SLC38A11: variants seen among roughly 807,000 people sequenced by gnomAD.
SLC38A11 encodes putative sodium-coupled neutral amino acid transporter 11.
SLC38A11 carries 51 observed loss-of-function variants against 49.4 expected under a neutral mutation model. The ratio of observed to expected loss-of-function variants is 1.03; its 90% CI spans 0.83 to 1.30. SLC38A11 has a LOEUF of 1.30. Ranked by LOEUF, SLC38A11 falls within the 50% of genes most tolerant of loss-of-function variation. SLC38A11 has a pLI of 0.00. For missense variants in SLC38A11, 574 were observed against 556.2 expected, an observed-to-expected ratio of 1.03 and a Z score of -0.32; for synonymous variants, 203 against 192.9, an observed-to-expected ratio of 1.05 and a Z score of -0.43.
At chr2:164,954,806 A>T (rs1348552594) in intron 1 of SLC38A11, 61 bp from the exon 2 acceptor site, 2 of 779,396 alleles carry the variant, frequency 2.6e-6, no homozygotes, top group Non-Finnish European at 4.1e-6. Flanking sequence ...AAAGTAACAA[A>T]TATGTAATGC....
intron 7 of SLC38A11, among the ~76,000 whole-genome samples, chr2:164,930,412 T>C (rs1250266333): frequency 2.0e-5 from 3 of 151,792 alleles, no homozygotes; most frequent in African/African-American, 7.3e-5. Flanking sequence ...GAGGCCAACA[T>C]CATCCTGATA....
Position 164,898,498 on chromosome 2 carries a change from G to A in SLC38A11, c.1328C>T (p.Ser443Leu). 1 of 1,613,424 alleles carries A rather than the reference G, an allele frequency of 6.2e-7. No homozygotes were observed. Among genetic ancestry groups the A allele is most frequent in the Non-Finnish European group, 8.5e-7 (1 of 1,179,568 alleles). ...TGTTGTCTGCTGAACATGAGACTCT[G>A]AGGTATTTGTGAGAGAGAAATTGTC... ...FPDNFSLTNTSESHVQQTTQL... is the reference protein window; with the variant it reads ...FPDNFSLTNTLESHVQQTTQL... Residue 443 changes from serine to leucine, a missense_variant, in exon 12 of 12, where the codon TCA becomes TTA. Coordinates refer to ENST00000685975, the MANE Select transcript of SLC38A11 (RefSeq NM_001351537.2).
At chr2:164,951,666 GA>G (rs2105521204) in intron 3 of SLC38A11, among the ~76,000 whole-genome samples, 1 of 152,298 alleles carries the variant, frequency 6.6e-6, no homozygotes, top group South Asian at 2.1e-4. Context: ...TTTTACGAGG[GA>G]TGGCATCTTG....
chr2:164,947,349 C>T (rs1309358932), intron 3 of SLC38A11, among the ~76,000 whole-genome samples: 1 of 151,902 alleles, frequency 6.6e-6, no homozygotes, highest in Non-Finnish European at 1.5e-5. Context: ...CCAAGATGGT[C>T]TCGAACTCCT....
At chr2:164,915,701 T>A in intron 8 of SLC38A11, 1 of 517,482 alleles carries the variant, frequency 1.9e-6, no homozygotes, top group Non-Finnish European at 3.5e-6. Flanking sequence ...GAAATAGATT[T>A]CTCCAAATTG....
At chr2:164,920,548 G>T (rs867875644) in intron 7 of SLC38A11, among the ~76,000 whole-genome samples, 1,005 of 34,628 alleles carry the variant, frequency 0.029, 14 homozygotes, top group African/African-American at 0.053. Context: ...AGATATCCGA[G>T]GAGAAGACAC....
At chr2:164,943,760 C>T (rs1184756548) in intron 5 of SLC38A11, among the ~76,000 whole-genome samples, 2 of 152,270 alleles carry the variant, frequency 1.3e-5, no homozygotes, top group African/African-American at 2.4e-5. Flanking sequence ...GGACTACAGG[C>T]ACATGCTACT....
intron 7 of SLC38A11, among the ~76,000 whole-genome samples, chr2:164,920,372 A>T (rs576980776): frequency 6.6e-6 from 1 of 151,970 alleles, no homozygotes; most frequent in East Asian, 1.9e-4. Context: ...TTTAACTTAA[A>T]CCCCCATGCA....
intron 7 of SLC38A11, among the ~76,000 whole-genome samples, chr2:164,932,571 T>C (rs1303428810): frequency 2.0e-5 from 3 of 152,084 alleles, no homozygotes; most frequent in Admixed American, 6.6e-5. Context: ...AAAAAGATCA[T>C]GTCCTCTGCA....
At position 164,908,708 on chromosome 2, in the gene SLC38A11, T is replaced by C. The variant is rs766323831; in HGVS notation, c.1027A>G (p.Met343Val). 5.6e-6 allele frequency: 9 copies of C among 1,611,702 alleles called. No homozygotes were observed. In the African/African-American group the frequency reaches 9.4e-5, roughly 17 times the overall value. Residue 343 changes from methionine (M) to valine (V), a missense_variant, in exon 11 of 12, where the codon ATG (methionine) becomes GTG (valine). By Grantham distance (21) the Met-to-Val change is conservative. Coordinates refer to ENST00000685975, the MANE Select transcript of SLC38A11 (RefSeq NM_001351537.2). ...ACAAGCGTGGCTACAGTGATGACCA[T>C]CACTGTTACAACAATGTGGAAAACC... ...SSVFHIVVTV[M>V]VITVATLVSL... is the part of the protein sequence containing the mutation.
At chr2:164,922,588 C>T (rs986776111) in intron 7 of SLC38A11, among the ~76,000 whole-genome samples, 26 of 152,096 alleles carry the variant, frequency 1.7e-4, no homozygotes, top group African/African-American at 6.3e-4. Flanking sequence ...AAACGCACAC[C>T]CACACAAATG....
intron 11 of SLC38A11, among the ~76,000 whole-genome samples, chr2:164,907,422 T>G (rs1399856016): frequency 6.6e-6 from 1 of 151,406 alleles, no homozygotes; most frequent in Non-Finnish European, 1.5e-5. Flanking sequence ...TACAGGCACA[T>G]GCCACCAAAC....
At chr2:164,910,144 G>T (rs1685299048) in intron 10 of SLC38A11, among the ~76,000 whole-genome samples, 1 of 152,072 alleles carries the variant, frequency 6.6e-6, no homozygotes, top group Admixed American at 6.6e-5. Flanking sequence ...TAAGAGAAGG[G>T]AAAGTTATAG....
chr2:164,950,960 G>A (rs753356372), intron 3 of SLC38A11, among the ~76,000 whole-genome samples: 4 of 151,884 alleles, frequency 2.6e-5, no homozygotes, highest in Non-Finnish European at 5.9e-5. Context: ...TCACTTTTAT[G>A]TGGTCATCCT....
intron 5 of SLC38A11, among the ~76,000 whole-genome samples, chr2:164,941,208 T>G (rs1038656167): frequency 1.3e-5 from 2 of 152,112 alleles, no homozygotes; most frequent in South Asian, 4.1e-4. Context: ...AGGTGAAAAT[T>G]GAAATTTTTG....
intron 7 of SLC38A11, among the ~76,000 whole-genome samples, chr2:164,920,759 T>C (rs1686139168): frequency 6.6e-6 from 1 of 151,476 alleles, no homozygotes; most frequent in Non-Finnish European, 1.5e-5. Context: ...TCTGGGATCA[T>C]GGATAGAGGG....
intron 7 of SLC38A11, among the ~76,000 whole-genome samples, chr2:164,925,324 T>G (rs979054840): frequency 1.3e-5 from 2 of 152,196 alleles, no homozygotes; most frequent in African/African-American, 4.8e-5. Context: ...ATTATGGGTG[T>G]CGCTTTGGTT....
Position 164,945,029 on chromosome 2 carries a change from G to A in SLC38A11, c.365-395C>T, listed in dbSNP as rs147865410. On this transcript the variant is annotated intron_variant, in intron 4 of 11. Coordinates refer to ENST00000685975, the MANE Select transcript of SLC38A11 (RefSeq NM_001351537.2). Reference sequence around the variant, plus strand: ...CTAATATATCCCCTCCATTAAAAAAGTAAGACTTTTTTGGGAAATATATTC... The same window carrying A: ...CTAATATATCCCCTCCATTAAAAAAATAAGACTTTTTTGGGAAATATATTC... 3.7e-4 allele frequency among the ~76,000 whole-genome samples: 57 copies of A among 152,184 alleles called. 2 individuals carry two copies. The South Asian group carries it at 7.2e-3, about 19-fold the overall frequency.
intron 11 of SLC38A11, among the ~76,000 whole-genome samples, chr2:164,905,292 TC>T (rs1279504764): frequency 6.6e-6 from 1 of 151,734 alleles, no homozygotes; most frequent in Non-Finnish European, 1.5e-5. Flanking sequence ...TAATATTTTC[TC>T]TTTTTTTTGG....
Sources: gnomAD v4.1 joint callset for allele counts (sites outside exome capture counted in the v4.1 genomes callset) on GRCh38, gnomAD v4.1.1 for gene constraint, MANE v1.5 for transcripts, NCBI Gene and HGNC (gene_info 2026-07-23, HGNC 2026-07-21) for gene names.